The following ESRRG variants were observed in gnomAD, a reference collection of about 807,000 sequenced individuals.
ESRRG encodes the protein estrogen-related receptor gamma.
A neutral mutation model predicts 44.0 loss-of-function variants in ESRRG; 13 were observed. The observed-to-expected ratio is 0.30, with a 90% CI of 0.19 to 0.47. The LOEUF (loss-of-function observed/expected upper bound fraction) is 0.47, where lower values mean the gene tolerates loss of function less well. ESRRG is among the 20% of genes least tolerant of loss of function. The pLI is 1.00. For missense variants in ESRRG, 395 were observed against 580.6 expected, an observed-to-expected ratio of 0.68 and a Z score of 3.29; for synonymous variants, 215 against 214.6, an observed-to-expected ratio of 1.00 and a Z score of -0.02.
At chr1:216,713,804 C>T (rs912291777) in intron 1 of ESRRG, among the ~76,000 whole-genome samples, 1 of 152,172 alleles carries the variant, frequency 6.6e-6, no homozygotes, top group African/African-American at 2.4e-5. Flanking sequence ...TTTACTTTTG[C>T]TAATGTAACA....
At chr1:216,559,684 C>T (rs1368500435) in intron 5 of ESRRG, among the ~76,000 whole-genome samples, 1 of 152,152 alleles carries the variant, frequency 6.6e-6, no homozygotes, top group Non-Finnish European at 1.5e-5. Flanking sequence ...TTGCACGTAT[C>T]CTAATCACTT....
At chr1:216,976,770 A>T (rs530557774) in intron 1 of ESRRG, among the ~76,000 whole-genome samples, 1 of 152,168 alleles carries the variant, frequency 6.6e-6, no homozygotes, top group Admixed American at 6.6e-5. Context: ...GATGGATTGT[A>T]GTCAAATGAG....
At chr1:216,547,821 G>A (rs2055027703) in intron 5 of ESRRG, among the ~76,000 whole-genome samples, 1 of 151,962 alleles carries the variant, frequency 6.6e-6, no homozygotes, top group African/African-American at 2.4e-5. Context: ...ACGTAGCACT[G>A]CCAATTTTTT....
intron 1 of ESRRG, among the ~76,000 whole-genome samples, chr1:216,991,206 T>C (rs908729928): frequency 1.3e-5 from 2 of 152,080 alleles, no homozygotes; most frequent in African/African-American, 4.8e-5. Flanking sequence ...CACCCATCCA[T>C]GGAAAAATTA....
chr1:217,127,295 C>A (rs56197827), intron 1 of ESRRG, among the ~76,000 whole-genome samples: 12,015 of 152,172 alleles, frequency 0.079, 577 homozygotes, highest in East Asian at 0.22. Flanking sequence ...AGCTATTTTT[C>A]ATGCCTGTGT....
intron 5 of ESRRG, among the ~76,000 whole-genome samples, chr1:216,561,520 C>T (rs1380037224): frequency 2.0e-5 from 3 of 152,008 alleles, no homozygotes; most frequent in African/African-American, 4.8e-5. Flanking sequence ...TCACTTTTAT[C>T]GAGGCAGAAA....
chr1:216,936,772 A>G (rs2064217341), intron 2 of ESRRG: 1 of 152,128 alleles, frequency 6.6e-6, no homozygotes, highest in Non-Finnish European at 1.5e-5. Flanking sequence ...TCATATCCCC[A>G]TGTAAATTTT....
chr1:216,792,844 C>T (rs2094361685), intron 2 of ESRRG, among the ~76,000 whole-genome samples: 1 of 151,994 alleles, frequency 6.6e-6, no homozygotes, highest in Admixed American at 6.6e-5. Flanking sequence ...ATGGAGGGGA[C>T]TCATTCAATA....
chr1:217,063,935 A>C (rs1420999231), intron 1 of ESRRG, among the ~76,000 whole-genome samples: 1 of 152,158 alleles, frequency 6.6e-6, no homozygotes, highest in East Asian at 1.9e-4. Flanking sequence ...TGCACCTATT[A>C]TCCAGAAACT....
At chr1:216,989,274 C>T (rs547104846) in intron 1 of ESRRG, among the ~76,000 whole-genome samples, 1 of 151,716 alleles carries the variant, frequency 6.6e-6, no homozygotes, top group East Asian at 1.9e-4. Flanking sequence ...TGATAAAACC[C>T]CATCTCCATC....
rs11117776 is a variant in ESRRG, at chr1:217,136,921, T to C, written c.-230+746A>G. On this transcript the variant is annotated intron_variant, in intron 1 of 8. Coordinates refer to the ESRRG transcript ENST00000366940. ...GTGGGGATTGAGGAAATTGGAGATA[T>C]TGCAGCTGACGCCAGGTACCGGGAG... is the stretch of plus-strand genomic sequence containing the variant. 4.3e-3 allele frequency among the ~76,000 whole-genome samples: 656 copies of C among 152,230 alleles called. 4 individuals carry two copies. Among genetic ancestry groups the C allele is most frequent in the African/African-American group, 0.015 (621 of 41,538 alleles).
intron 1 of ESRRG, among the ~76,000 whole-genome samples, chr1:216,979,998 G>A (rs2073660113): frequency 6.6e-6 from 1 of 152,106 alleles, no homozygotes; most frequent in African/African-American, 2.4e-5. Flanking sequence ...GCATCACACT[G>A]CTAAACCTAA....
intron 2 of ESRRG, among the ~76,000 whole-genome samples, chr1:216,857,744 C>A (rs2149061060): frequency 6.7e-6 from 1 of 149,506 alleles, no homozygotes; most frequent in East Asian, 1.9e-4. Context: ...AAAAAAGTCC[C>A]TTCATTCTTA....
In ESRRG at chr1:216,507,487, T is replaced by A. The variant is rs549214252; in HGVS notation, c.1133-304A>T. On this transcript the variant is annotated intron_variant, in intron 6 of 6. Coordinates refer to ENST00000408911, the MANE Select transcript of ESRRG (RefSeq NM_001438.4). Reference sequence around the variant, plus strand: ...TTAACAGATTACAGTCTTGACTATTTTATTCATTGTCTCATCCAGGTATAT... The same window carrying A: ...TTAACAGATTACAGTCTTGACTATTATATTCATTGTCTCATCCAGGTATAT... 3.3e-5 allele frequency among the ~76,000 whole-genome samples: 5 copies of A among 152,320 alleles called. No homozygotes were observed. In the South Asian group the frequency reaches 1.0e-3, roughly 32 times the overall value.
At chr1:217,094,218 A>G (rs1381214034), upstream of ESRRG, among the ~76,000 whole-genome samples, 2 of 152,212 alleles carry the variant, frequency 1.3e-5, no homozygotes, top group African/African-American at 4.8e-5. Flanking sequence ...CATGTTTACC[A>G]GTAGCCTACC....
chr1:216,560,629 A>C (rs777692722), intron 5 of ESRRG, among the ~76,000 whole-genome samples: 14 of 152,184 alleles, frequency 9.2e-5, no homozygotes, highest in Non-Finnish European at 1.8e-4. Flanking sequence ...TGGGCTGATA[A>C]TCGTCTTATC....
chr1:216,815,650 A>T (rs566389806), intron 2 of ESRRG, among the ~76,000 whole-genome samples: 41 of 152,282 alleles, frequency 2.7e-4, no homozygotes, highest in African/African-American at 9.9e-4. Context: ...ACAGTGCTTT[A>T]TCTGCCAACT....
chr1:216,778,048 A>G (rs1268737668), intron 2 of ESRRG, among the ~76,000 whole-genome samples: 1 of 152,124 alleles, frequency 6.6e-6, no homozygotes, highest in Non-Finnish European at 1.5e-5. Flanking sequence ...CATTTGAGTT[A>G]TCTGGTCTCG....
At chr1:216,574,800 AGGG>A (rs1366150649) in intron 3 of ESRRG, among the ~76,000 whole-genome samples, 3 of 152,270 alleles carry the variant, frequency 2.0e-5, no homozygotes, top group Admixed American at 6.5e-5. Flanking sequence ...AATTGAGTAT[AGGG>A]AGCAGAATGG....
Sources: allele counts gnomAD v4.1 joint callset (sites outside exome capture counted in the v4.1 genomes callset), GRCh38; gene constraint gnomAD v4.1.1; transcripts MANE v1.5; gene names NCBI Gene and HGNC (gene_info 2026-07-23, HGNC 2026-07-21).